MROH7: variants seen among roughly 807,000 people sequenced by gnomAD.
MROH7 encodes the protein maestro heat-like repeat-containing protein family member 7.
Under a neutral mutation model 129.2 loss-of-function variants are expected in MROH7, and 113 were observed. The observed-to-expected ratio is 0.87, with a 90% CI of 0.75 to 1.02. The LOEUF is 1.02. MROH7 is among the 50% of genes least tolerant of loss of function. MROH7 has a pLI of 0.00. For missense variants in MROH7, 1,601 were observed against 1,671.3 expected (o/e 0.96, Z 0.73); for synonymous variants, 655 against 667.9 (o/e 0.98, Z 0.30).
chr1:54,676,949 C>T (rs537228787), intron 10 of MROH7, among the ~76,000 whole-genome samples: 6 of 151,498 alleles, frequency 4.0e-5, no homozygotes, highest in Admixed American at 2.6e-4. Context: ...CTTCATGATC[C>T]GTCCCCCTCG....
intron 16 of MROH7, among the ~76,000 whole-genome samples, chr1:54,694,440 TAA>T (rs1486781707): frequency 1.3e-5 from 2 of 152,194 alleles, no homozygotes; most frequent in Non-Finnish European, 2.9e-5. Flanking sequence ...CCCCGTACCC[TAA>T]GAGTTCCTGC....
At chr1:54,681,875 ACT>A (rs1489679840) in intron 13 of MROH7, among the ~76,000 whole-genome samples, 3 of 152,002 alleles carry the variant, frequency 2.0e-5, no homozygotes, top group Non-Finnish European at 2.9e-5. Flanking sequence ...CCATATCTGG[ACT>A]CTGCAGCTCA....
chr1:54,679,859 C>G (rs1645041251), intron 12 of MROH7, 32 bp from the exon 13 acceptor site: 4 of 1,592,188 alleles, frequency 2.5e-6, no homozygotes, highest in Non-Finnish European at 3.4e-6. Context: ...TTGGCAGTCC[C>G]CTTGCTCATG....
chr1:54,672,582 T>A (rs1431726340), intron 7 of MROH7, among the ~76,000 whole-genome samples: 3 of 151,914 alleles, frequency 2.0e-5, no homozygotes, highest in African/African-American at 7.3e-5. Context: ...GAGAAGCAAT[T>A]CAAAAAAGAA....
intron 15 of MROH7, among the ~76,000 whole-genome samples, chr1:54,688,086 G>C (rs918451328): frequency 6.6e-6 from 1 of 151,616 alleles, no homozygotes; most frequent in Non-Finnish European, 1.5e-5. Context: ...CAGATGTGGT[G>C]GTGGGTGCCT....
chr1:54,684,359 T>C (rs1645114707), intron 14 of MROH7, among the ~76,000 whole-genome samples: 1 of 151,996 alleles, frequency 6.6e-6, no homozygotes. Flanking sequence ...TTCACTCCCA[T>C]ATATCTCTCT....
chr1:54,692,379 T>C (rs1347567390), intron 15 of MROH7, 45 bp from the exon 16 acceptor site: 1 of 1,606,768 alleles, frequency 6.2e-7, no homozygotes, highest in Non-Finnish European at 8.5e-7. Flanking sequence ...CTTGGCCTGC[T>C]AGGGCCCAGG....
intron 13 of MROH7, 80 bp from the exon 14 acceptor site, chr1:54,682,576 C>A: frequency 6.9e-7 from 1 of 1,442,006 alleles, no homozygotes; most frequent in Non-Finnish European, 9.4e-7. Context: ...TCTTACCTTC[C>A]CCCTCCCAAA....
intron 14 of MROH7, among the ~76,000 whole-genome samples, chr1:54,683,355 T>C (rs1013627274): frequency 6.6e-6 from 1 of 152,150 alleles, no homozygotes; most frequent in Non-Finnish European, 1.5e-5. Context: ...GCTGCCACAC[T>C]CCAAGCTTGA....
chr1:54,703,804 G>T lies in MROH7; in HGVS notation c.3564+1059G>T, dbSNP rs1401667941. Reference sequence around the variant, plus strand: ...CCCTGGGACCAATACCCATGGAAGGGAGCGGAAGAAACAGGAATAACAAAG... The same window carrying T: ...CCCTGGGACCAATACCCATGGAAGGTAGCGGAAGAAACAGGAATAACAAAG... On this transcript the variant is annotated intron_variant, in intron 21 of 23. Coordinates refer to ENST00000421030, the MANE Select transcript of MROH7 (RefSeq NM_001039464.4). This position sits in a 1 kb window ranked among gnomAD's most constrained non-coding sequence, Gnocchi z 4.4. Among the ~76,000 whole-genome samples the T allele has an allele frequency of 6.6e-6, 1 of 152,128 alleles. No homozygotes were observed. The highest frequency in any genetic ancestry group is 1.5e-5 in the Non-Finnish European group (1 of 68,016).
chr1:54,649,559 T>C (rs1009512484), intron 1 of MROH7, among the ~76,000 whole-genome samples: 1 of 152,204 alleles, frequency 6.6e-6, no homozygotes, highest in Non-Finnish European at 1.5e-5. Flanking sequence ...TCAGCTGGGG[T>C]TGAGATCTGT....
At chr1:54,701,016 T>C (rs1258844241) in intron 18 of MROH7, 127 bp from the exon 19 acceptor site, 7 of 992,912 alleles carry the variant, frequency 7.0e-6, no homozygotes, top group South Asian at 1.6e-5. Context: ...GCAGGTGGGA[T>C]GGCATAGGCC....
intron 22 of MROH7, among the ~76,000 whole-genome samples, chr1:54,708,180 G>A (rs536896024): frequency 3.2e-4 from 49 of 152,278 alleles, no homozygotes; most frequent in African/African-American, 1.2e-3. Context: ...ATCCTTTGGG[G>A]AGTCAAGGTG....
intron 22 of MROH7, among the ~76,000 whole-genome samples, chr1:54,707,333 T>C (rs1309338199): frequency 4.6e-5 from 7 of 152,168 alleles, no homozygotes; most frequent in African/African-American, 1.7e-4. Flanking sequence ...TGAAGTGATA[T>C]TTTTTAGTAC....
In MROH7 at chr1:54,643,358, G is replaced by A. The variant is rs373534720; in HGVS notation, c.-110+1390G>A. Reference sequence around the variant, plus strand: ...GAAAGAGTATTTGCAAAGGTCCCAAGGCAAGAGGGAGGCCAAAACATTGAG... The same window carrying A: ...GAAAGAGTATTTGCAAAGGTCCCAAAGCAAGAGGGAGGCCAAAACATTGAG... On this transcript the variant is annotated intron_variant, in intron 1 of 23. Transcript: ENST00000421030. Among the ~76,000 whole-genome samples the A allele has an allele frequency of 2.7e-3, 407 of 152,308 alleles. 2 individuals carry two copies. Among genetic ancestry groups the A allele is most frequent in the African/African-American group, 9.4e-3 (392 of 41,570 alleles).
intron 13 of MROH7, among the ~76,000 whole-genome samples, chr1:54,682,026 CTG>C (rs550985277): frequency 2.0e-5 from 3 of 152,152 alleles, no homozygotes; most frequent in Non-Finnish European, 4.4e-5. Flanking sequence ...TTGTTCATGT[CTG>C]TATTCCCCAA....
chr1:54,652,964 A>G lies in MROH7; in HGVS notation c.38A>G (p.Glu13Gly), dbSNP rs534829796. The change falls in exon 3 of 24, where the codon GAA (glutamate) becomes GGA (glycine). Residue 13 changes from glutamate to glycine, a missense_variant. Coordinates refer to ENST00000421030, the MANE Select transcript of MROH7 (RefSeq NM_001039464.4). ...CCAGGGGCTAACCTGGTCTTCCATGAAGACCCAAAGATGACACCAAGTCCC... is the reference window on the plus strand; with the variant it reads ...CCAGGGGCTAACCTGGTCTTCCATGGAGACCCAAAGATGACACCAAGTCCC... The part of the protein sequence containing the change: ...LSPGANLVFH[E>G]DPKMTPSPPS... 11 of 1,610,706 alleles carry G rather than the reference A, an allele frequency of 6.8e-6. No homozygotes were observed. The highest frequency in any genetic ancestry group is 1.7e-5 in the Admixed American group (1 of 59,360).
chr1:54,689,273 G>A (rs1347018023), intron 15 of MROH7, among the ~76,000 whole-genome samples: 2 of 152,190 alleles, frequency 1.3e-5, no homozygotes, highest in African/African-American at 4.8e-5. Flanking sequence ...GTGGTCACAA[G>A]CTAAGGAGTG....
intron 14 of MROH7, 63 bp from the exon 15 acceptor site, chr1:54,686,195 C>A: frequency 4.8e-6 from 7 of 1,468,824 alleles, no homozygotes; most frequent in Non-Finnish European, 6.5e-6. Flanking sequence ...CAGTCCAGGC[C>A]CCAGCCAGGA....
Sources: gnomAD v4.1 joint callset for allele counts (sites outside exome capture counted in the v4.1 genomes callset) on GRCh38, gnomAD v4.1.1 for gene constraint, Gnocchi (gnomAD v3.1) non-coding constraint, MANE v1.5 for transcripts, NCBI Gene and HGNC (gene_info 2026-07-23, HGNC 2026-07-21) for gene names.